The following TMEM132D variants were observed in gnomAD, a reference collection of about 807,000 sequenced individuals.
TMEM132D encodes the protein mature OL transmembrane protein.
A neutral mutation model predicts 62.3 loss-of-function variants in TMEM132D; 21 were observed. That is an observed-to-expected ratio of 0.34 (90% CI 0.24 to 0.49). TMEM132D has a LOEUF of 0.49. Ranked by LOEUF, TMEM132D falls within the 20% of genes least tolerant of loss-of-function variation. The pLI is 0.99. For missense variants in TMEM132D, 1,346 were observed against 1,402.8 expected (o/e 0.96, Z 0.65); for synonymous variants, 621 against 575.6 (o/e 1.08, Z -1.13).
At chr12:129,474,143 T>G (rs185924984) in intron 3 of TMEM132D, among the ~76,000 whole-genome samples, 3 of 152,320 alleles carry the variant, frequency 2.0e-5, no homozygotes, top group Admixed American at 1.3e-4. Context: ...CACAGTCGGT[T>G]TCTGGGCACT....
intron 3 of TMEM132D, among the ~76,000 whole-genome samples, chr12:129,379,079 C>T (rs931173745): frequency 2.6e-5 from 4 of 151,996 alleles, no homozygotes; most frequent in African/African-American, 9.7e-5. Flanking sequence ...AATATGTTAT[C>T]CTGGGGAAAG....
chr12:129,626,410 G>C (rs1038439147), intron 2 of TMEM132D, among the ~76,000 whole-genome samples: 3 of 152,114 alleles, frequency 2.0e-5, no homozygotes, highest in Admixed American at 6.5e-5. Flanking sequence ...AGGCTTGTGT[G>C]TACAGTATTT....
intron 3 of TMEM132D, among the ~76,000 whole-genome samples, chr12:129,444,329 C>T (rs1171930821): frequency 6.6e-6 from 1 of 152,078 alleles, no homozygotes. Context: ...AGACAACTTA[C>T]GGAATGGGGG....
In TMEM132D at chr12:129,252,474, A is replaced by T. The variant is rs370432003; in HGVS notation, c.1300-42811T>A. ...TCACTAGCTGGTGGTGAAGCCAGGA[A>T]GATAAGACCCAGAATTGTCTCTCAG... On this transcript the variant is annotated intron_variant, in intron 4 of 8. Coordinates refer to ENST00000422113, the MANE Select transcript of TMEM132D (RefSeq NM_133448.3). Among the ~76,000 whole-genome samples the T allele has an allele frequency of 6.7e-4, 102 of 152,320 alleles. 1 individual carries two copies. Among genetic ancestry groups the T allele is most frequent in the African/African-American group, 2.3e-3 (96 of 41,578 alleles).
At chr12:129,452,784 G>T (rs1022627156) in intron 3 of TMEM132D, among the ~76,000 whole-genome samples, 1 of 152,192 alleles carries the variant, frequency 6.6e-6, no homozygotes, top group Non-Finnish European at 1.5e-5. Context: ...AATTTCGTCT[G>T]ATTTACCCTT....
intron 3 of TMEM132D, among the ~76,000 whole-genome samples, chr12:129,361,011 C>T (rs538987345): frequency 3.3e-5 from 5 of 152,262 alleles, no homozygotes; most frequent in South Asian, 4.2e-4. Context: ...CCTGTGTTCA[C>T]GGCATCCTGG....
chr12:129,421,416 C>T (rs775145384), intron 3 of TMEM132D, among the ~76,000 whole-genome samples: 2 of 152,182 alleles, frequency 1.3e-5, no homozygotes, highest in Non-Finnish European at 2.9e-5. Flanking sequence ...TTTTGCTCTC[C>T]CTAGAGACAT....
chr12:129,821,730 T>C (rs1872546453), intron 1 of TMEM132D, among the ~76,000 whole-genome samples: 1 of 152,154 alleles, frequency 6.6e-6, no homozygotes. Context: ...CCTGGGATCT[T>C]CTTAAAATGC....
intron 1 of TMEM132D, among the ~76,000 whole-genome samples, chr12:129,755,204 A>G (rs906870761): frequency 6.6e-6 from 1 of 152,214 alleles, no homozygotes; most frequent in South Asian, 2.1e-4. Context: ...TGTTGCAGCT[A>G]ATTTAGCAAG....
chr12:129,311,964 A>C (rs1235425434), intron 4 of TMEM132D, among the ~76,000 whole-genome samples: 1 of 152,210 alleles, frequency 6.6e-6, no homozygotes, highest in Non-Finnish European at 1.5e-5. Context: ...TTTTATTCTA[A>C]GTGTGGACGC....
intron 4 of TMEM132D, among the ~76,000 whole-genome samples, chr12:129,335,704 C>T (rs1426363375): frequency 6.7e-6 from 1 of 149,956 alleles, no homozygotes; most frequent in African/African-American, 2.4e-5. Context: ...GTCGAAGATG[C>T]TGTTCATTGC....
intron 4 of TMEM132D, among the ~76,000 whole-genome samples, chr12:129,269,999 T>C (rs11609411): frequency 0.092 from 13,999 of 151,890 alleles, 812 homozygotes; most frequent in Admixed American, 0.18. Context: ...CAGAACAGAA[T>C]GGGAAAATCA....
intron 2 of TMEM132D, among the ~76,000 whole-genome samples, chr12:129,665,211 TGG>T (rs1180094080): frequency 6.6e-6 from 1 of 151,680 alleles, no homozygotes; most frequent in Non-Finnish European, 1.5e-5. Context: ...GGGGGCATCT[TGG>T]GGGTGGCAAT....
rs150317527 is a variant in TMEM132D at position 129,235,920 on chromosome 12, C to A, written c.1300-26257G>T. On this transcript the variant is annotated intron_variant, in intron 4 of 8. Coordinates refer to ENST00000422113, the MANE Select transcript of TMEM132D (RefSeq NM_133448.3). ...AATTTCAAGGGGGACTGCATTGAATCTGTAGATCACTTTGGGTAGTGTGGA... is the reference window on the plus strand; with the variant it reads ...AATTTCAAGGGGGACTGCATTGAATATGTAGATCACTTTGGGTAGTGTGGA... Among the ~76,000 whole-genome samples the A allele has an allele frequency of 1.6e-3, 236 of 152,200 alleles. 3 individuals are homozygous for A. The highest frequency in any genetic ancestry group is 5.6e-3 in the African/African-American group (231 of 41,540).
chr12:129,891,400 A>G (rs1348108429), intron 1 of TMEM132D, among the ~76,000 whole-genome samples: 1 of 152,126 alleles, frequency 6.6e-6, no homozygotes, highest in Non-Finnish European at 1.5e-5. Flanking sequence ...AAAGAGCAAG[A>G]CCTCTATTCA....
At chr12:129,130,478 G>T (rs1300420585) in intron 5 of TMEM132D, among the ~76,000 whole-genome samples, 1 of 152,190 alleles carries the variant, frequency 6.6e-6, no homozygotes, top group Non-Finnish European at 1.5e-5. Context: ...ATGCCCTAGT[G>T]CTAACCACCG....
Position 129,328,549 on chromosome 12 carries a change from C to T in TMEM132D, c.1299+9085G>A, listed in dbSNP as rs141463102. ...ACACCGCCATCTCATTATAAATCAC[C>T]TCTGGAGAGGATGGTTCATTAGGGA... On this transcript the variant is annotated intron_variant, in intron 4 of 8. Coordinates refer to ENST00000422113, the MANE Select transcript of TMEM132D (RefSeq NM_133448.3). 3.3e-3 allele frequency among the ~76,000 whole-genome samples: 504 copies of T among 152,314 alleles called. 3 individuals carry two copies. Among genetic ancestry groups the T allele is most frequent in the African/African-American group, 0.011 (476 of 41,562 alleles).
At chr12:129,271,672 G>A (rs961528281) in intron 4 of TMEM132D, among the ~76,000 whole-genome samples, 1 of 151,760 alleles carries the variant, frequency 6.6e-6, no homozygotes, top group South Asian at 2.1e-4. Flanking sequence ...TTGGTGTTCT[G>A]TTTCTGTGTT....
chr12:129,604,176 G>C (rs1565919504), intron 2 of TMEM132D, among the ~76,000 whole-genome samples: 1 of 152,052 alleles, frequency 6.6e-6, no homozygotes, highest in African/African-American at 2.4e-5. Flanking sequence ...AGGGGTTGGG[G>C]GTAAGGGGGA....
Sources: gnomAD v4.1 joint callset for allele counts (sites outside exome capture counted in the v4.1 genomes callset) on GRCh38, gnomAD v4.1.1 for gene constraint, MANE v1.5 for transcripts, NCBI Gene and HGNC (gene_info 2026-07-23, HGNC 2026-07-21) for gene names.